Variants in GPC6 observed in about 807,000 individuals in gnomAD.
The protein encoded by GPC6 is glypican-6.
Under a neutral mutation model 55.2 loss-of-function variants are expected in GPC6, and 14 were observed. That is an observed-to-expected ratio of 0.25 (90% CI 0.17 to 0.40). GPC6 has a LOEUF of 0.40. Among genes scored for constraint, GPC6 ranks in the 10% least tolerant of loss-of-function variants. The probability of loss-of-function intolerance (pLI) is 1.00; values close to 1 mark genes in which losing one functional copy is unlikely to be tolerated. For synonymous variants in GPC6, 278 were observed against 259.6 expected (o/e 1.07, Z -0.68); for missense variants, 641 against 708.5 (o/e 0.90, Z 1.08).
intron 1 of GPC6, among the ~76,000 whole-genome samples, chr13:93,394,614 A>T (rs1186479007): frequency 1.3e-5 from 2 of 152,198 alleles, no homozygotes; most frequent in Non-Finnish European, 2.9e-5. Context: ...TAGGTCCAGA[A>T]TTATTTCCTC....
intron 2 of GPC6, among the ~76,000 whole-genome samples, chr13:93,681,939 C>T (rs968405356): frequency 1.3e-5 from 2 of 151,988 alleles, no homozygotes; most frequent in African/African-American, 2.4e-5. Context: ...TTGAGTTTAA[C>T]TTTTAGTACC....
intron 6 of GPC6, among the ~76,000 whole-genome samples, chr13:94,332,529 C>T (rs1877477769): frequency 6.6e-6 from 1 of 152,180 alleles, no homozygotes; most frequent in South Asian, 2.1e-4. Context: ...GTTTTTGTTG[C>T]CAGTTTATTC....
At chr13:93,838,519 T>C (rs1191397542) in intron 3 of GPC6, among the ~76,000 whole-genome samples, 2 of 152,204 alleles carry the variant, frequency 1.3e-5, no homozygotes, top group Admixed American at 1.3e-4. Context: ...TTGGGCATAT[T>C]ATTTTTAAGT....
chr13:94,390,288 C>T (rs1408789222), intron 7 of GPC6, among the ~76,000 whole-genome samples: 1 of 152,210 alleles, frequency 6.6e-6, no homozygotes, highest in Non-Finnish European at 1.5e-5. Flanking sequence ...AGCACTCTAA[C>T]TGCATTTTAA....
At chr13:93,444,985 T>G (rs950983661) in intron 1 of GPC6, among the ~76,000 whole-genome samples, 1 of 152,194 alleles carries the variant, frequency 6.6e-6, no homozygotes, top group Non-Finnish European at 1.5e-5. Context: ...CGTTCAGTCT[T>G]TCATCCTCAA....
chr13:93,561,404 GATATATATATATAT>G (rs66957373), intron 2 of GPC6, among the ~76,000 whole-genome samples: 1 of 104,666 alleles, frequency 9.6e-6, no homozygotes, highest in Non-Finnish European at 2.0e-5. Flanking sequence ...TATCCCTATC[GATATATATATATAT>G]ATATATATTT....
intron 2 of GPC6, among the ~76,000 whole-genome samples, chr13:93,700,592 T>G (rs554391421): frequency 2.6e-5 from 4 of 152,240 alleles, no homozygotes; most frequent in African/African-American, 7.2e-5. Context: ...AAGTATAGAA[T>G]TAATACATTT....
chr13:93,533,697 G>T (rs1198800738), intron 1 of GPC6, among the ~76,000 whole-genome samples: 2 of 151,998 alleles, frequency 1.3e-5, no homozygotes, highest in Non-Finnish European at 2.9e-5. Flanking sequence ...GGTAGGAAAT[G>T]TCACCTTGGC....
chr13:94,166,257 G>A (rs1408014319), intron 4 of GPC6, among the ~76,000 whole-genome samples: 1 of 152,132 alleles, frequency 6.6e-6, no homozygotes, highest in African/African-American at 2.4e-5. Flanking sequence ...ATAGCAAATA[G>A]CCTTTTGGAT....
intron 3 of GPC6, among the ~76,000 whole-genome samples, chr13:93,992,429 C>T (rs1881353465): frequency 6.6e-6 from 1 of 152,070 alleles, no homozygotes; most frequent in Non-Finnish European, 1.5e-5. Context: ...TAATTGTGTA[C>T]TTTATTATAG....
At chr13:93,626,813 A>G (rs944574235) in intron 2 of GPC6, among the ~76,000 whole-genome samples, 7 of 151,966 alleles carry the variant, frequency 4.6e-5, no homozygotes, top group African/African-American at 1.2e-4. Flanking sequence ...AAAAAAAAAA[A>G]AAAAAATCCT....
At position 93,258,053 on chromosome 13, in the gene GPC6, A is replaced by G. The variant is rs530294214; in HGVS notation, c.160+30437A>G. ...TATGGGTAAAACTTTGTAGTATTACATTGTCATTACTCGGGCTGTTTGCAT... is the reference window on the plus strand; with the variant it reads ...TATGGGTAAAACTTTGTAGTATTACGTTGTCATTACTCGGGCTGTTTGCAT... On this transcript the variant is annotated intron_variant, in intron 1 of 8. Transcript: ENST00000377047. Among the ~76,000 whole-genome samples the G allele has an allele frequency of 7.9e-5, 12 of 152,286 alleles. No homozygotes were observed. The South Asian group carries it at 2.5e-3, about 32-fold the overall frequency.
At chr13:94,226,115 A>G (rs1261634264) in intron 4 of GPC6, among the ~76,000 whole-genome samples, 2 of 152,180 alleles carry the variant, frequency 1.3e-5, no homozygotes, top group Non-Finnish European at 2.9e-5. Context: ...ACAAATTCTT[A>G]CCATCATTAT....
intron 6 of GPC6, among the ~76,000 whole-genome samples, chr13:94,355,987 T>C (rs1878774341): frequency 6.6e-6 from 1 of 152,156 alleles, no homozygotes; most frequent in Non-Finnish European, 1.5e-5. Flanking sequence ...TGTGTCCATG[T>C]ATTTTTATTG....
chr13:93,306,217 G>T (rs981921932), intron 1 of GPC6, among the ~76,000 whole-genome samples: 2 of 152,146 alleles, frequency 1.3e-5, no homozygotes, highest in African/African-American at 2.4e-5. Context: ...TATGGTAAAA[G>T]ATTGAAATGT....
chr13:93,865,693 T>A (rs149960499), intron 3 of GPC6, among the ~76,000 whole-genome samples: 25 of 151,836 alleles, frequency 1.6e-4, no homozygotes, highest in African/African-American at 5.5e-4. Flanking sequence ...TTGATTCTCA[T>A]GCCCTGCAAC....
chr13:93,696,614 A>ATTTT (rs144339785), intron 2 of GPC6, among the ~76,000 whole-genome samples: 2 of 136,650 alleles, frequency 1.5e-5, no homozygotes, highest in Admixed American at 7.5e-5. Context: ...ACCTCCATAA[A>ATTTT]TTTTTTTTTT....
chr13:93,673,381 G>T (rs527846900), intron 2 of GPC6, among the ~76,000 whole-genome samples: 1 of 152,204 alleles, frequency 6.6e-6, no homozygotes, highest in Non-Finnish European at 1.5e-5. Context: ...TTTAAATTCT[G>T]GCCAACATGT....
At chr13:93,853,668 A>G (rs1483474844) in intron 3 of GPC6, among the ~76,000 whole-genome samples, 1 of 151,654 alleles carries the variant, frequency 6.6e-6, no homozygotes, top group Non-Finnish European at 1.5e-5. Context: ...ACATGGTGGC[A>G]ATAATTGTAT....
Sources: allele counts gnomAD v4.1 joint callset (sites outside exome capture counted in the v4.1 genomes callset), GRCh38; gene constraint gnomAD v4.1.1; transcripts MANE v1.5; gene names NCBI Gene and HGNC (gene_info 2026-07-23, HGNC 2026-07-21).